Variants in TRIM2 observed in about 807,000 individuals in gnomAD.
TRIM2 encodes the protein tripartite motif-containing protein 2.
Under a neutral mutation model 75.2 loss-of-function variants are expected in TRIM2, and 20 were observed. The observed-to-expected ratio is 0.27, with a 90% CI of 0.19 to 0.39. TRIM2 has a LOEUF of 0.39. TRIM2 is among the 10% of genes least tolerant of loss of function. The pLI, the probability that TRIM2 is intolerant of heterozygous loss-of-function variation, is 1.00. For missense variants in TRIM2, 660 were observed against 990.8 expected (o/e 0.67, Z 4.48); for synonymous variants, 373 against 388.3 (o/e 0.96, Z 0.46).
intron 1 of TRIM2, among the ~76,000 whole-genome samples, chr4:153,192,549 G>A (rs1362136318): frequency 1.3e-5 from 2 of 150,642 alleles, no homozygotes; most frequent in Non-Finnish European, 2.9e-5. Flanking sequence ...CAAGTTTACG[G>A]TGAGCCATGA....
intron 8 of TRIM2, among the ~76,000 whole-genome samples, chr4:153,318,665 T>C (rs1415463663): frequency 6.6e-6 from 1 of 152,206 alleles, no homozygotes; most frequent in East Asian, 1.9e-4. Context: ...TTGTTTATGT[T>C]TTATACTCTA....
intron 6 of TRIM2, among the ~76,000 whole-genome samples, chr4:153,314,850 TTTC>T (rs1352715431): frequency 1.3e-5 from 2 of 152,214 alleles, no homozygotes; most frequent in Non-Finnish European, 2.9e-5. Flanking sequence ...AGCGTCCACA[TTTC>T]TTCCAAGAGC....
intron 2 of TRIM2, among the ~76,000 whole-genome samples, chr4:153,275,069 C>T (rs765034712): frequency 6.6e-6 from 1 of 152,180 alleles, no homozygotes; most frequent in Non-Finnish European, 1.5e-5. Flanking sequence ...TGGTGCCAAA[C>T]TGCCTGTGTT....
At chr4:153,309,509 A>G (rs1251235968) in intron 6 of TRIM2, 2 of 152,198 alleles carry the variant, frequency 1.3e-5, no homozygotes, top group East Asian at 1.9e-4. Context: ...GCACTTTTTC[A>G]TCCAGCAAAC....
chr4:153,315,069 G>A (rs1312763231), intron 6 of TRIM2, among the ~76,000 whole-genome samples: 1 of 152,214 alleles, frequency 6.6e-6, no homozygotes, highest in African/African-American at 2.4e-5. Flanking sequence ...CAGAGGCAGA[G>A]TGACCAGGGC....
intron 1 of TRIM2, among the ~76,000 whole-genome samples, chr4:153,218,773 G>A (rs908349863): frequency 5.3e-5 from 8 of 152,164 alleles, no homozygotes; most frequent in Non-Finnish European, 1.2e-4. Flanking sequence ...TAGTAAGGGA[G>A]TTACTGAAGA....
chr4:153,239,212 C>T (rs1745823130), intron 1 of TRIM2, among the ~76,000 whole-genome samples: 2 of 152,194 alleles, frequency 1.3e-5, no homozygotes, highest in Admixed American at 6.5e-5. Context: ...ATTAGCCAGG[C>T]GTCGTGGCGG....
intron 1 of TRIM2, chr4:153,157,322 G>C (rs901546231): frequency 1.3e-5 from 2 of 152,208 alleles, no homozygotes; most frequent in African/African-American, 4.8e-5. Context: ...TGGCCATGCT[G>C]TCTCCAGTCC....
At chr4:153,244,267 C>T (rs1459789746) in intron 1 of TRIM2, among the ~76,000 whole-genome samples, 12 of 6,370 alleles carry the variant, frequency 1.9e-3, no homozygotes, top group African/African-American at 8.2e-3. Context: ...TCCTCCTCCT[C>T]CTCCTCCTCC....
intron 5 of TRIM2, 104 bp downstream of exon 5, chr4:153,294,589 G>T: frequency 8.1e-7 from 1 of 1,228,372 alleles, no homozygotes; most frequent in Non-Finnish European, 1.1e-6. Context: ...TGTCATCATT[G>T]TATAGTAAAC....
At chr4:153,304,436 A>C (rs10026277) in intron 6 of TRIM2, among the ~76,000 whole-genome samples, 33,759 of 151,952 alleles carry the variant, frequency 0.22, 4,352 homozygotes, top group African/African-American at 0.35. Context: ...ATTTAAATTT[A>C]AGCTGGGTTT....
rs1396060845 is a variant in TRIM2, at chr4:153,338,372, G to C, written c.*3406G>C. 1.0e-6 allele frequency: 1 copy of C among 985,636 alleles called. No individual in the cohort carries two copies. The highest frequency in any genetic ancestry group is 1.7e-5 in the African/African-American group (1 of 57,228). 61.1% of individuals were successfully genotyped at this position (985,636 alleles called of 1,614,324 possible). On this transcript the variant is annotated 3_prime_UTR_variant, in exon 12 of 12. Coordinates refer to ENST00000338700, the MANE Select transcript of TRIM2 (RefSeq NM_015271.5). ...CTCTATTCACTAGCTTCTGAAAAGG[G>C]AGGAGTATTTTTAGTTTGACAATTT...
At chr4:153,244,437 T>TCTTCTTCTTCTTC (rs1206105496) in intron 1 of TRIM2, among the ~76,000 whole-genome samples, 78 of 102,554 alleles carry the variant, frequency 7.6e-4, no homozygotes, top group South Asian at 2.0e-3. Context: ...TTCTTCTTCT[T>TCTTCTTCTTCTTC]TTAATTAGAG....
intron 1 of TRIM2, among the ~76,000 whole-genome samples, chr4:153,225,215 G>C (rs1019885896): frequency 6.6e-6 from 1 of 152,114 alleles, no homozygotes; most frequent in Non-Finnish European, 1.5e-5. Context: ...ACACTGCTTG[G>C]TTTATATCAA....
At chr4:153,175,767 A>T (rs887780536) in intron 1 of TRIM2, among the ~76,000 whole-genome samples, 3 of 152,214 alleles carry the variant, frequency 2.0e-5, no homozygotes, top group Non-Finnish European at 4.4e-5. Flanking sequence ...CATTATTGGG[A>T]TAATTGGTGA....
chr4:153,300,597 A>G (rs549937460), intron 6 of TRIM2, among the ~76,000 whole-genome samples: 1 of 152,106 alleles, frequency 6.6e-6, no homozygotes, highest in African/African-American at 2.4e-5. Context: ...GCTGGTGTGC[A>G]GTGGCGTGAT....
At chr4:153,239,867 C>T (rs28446611) in intron 1 of TRIM2, among the ~76,000 whole-genome samples, 2,289 of 138,444 alleles carry the variant, frequency 0.017, 60 homozygotes, top group African/African-American at 0.059. Context: ...GATGGAGTCT[C>T]GCTCTGTCAC....
At chr4:153,256,360 G>A (rs1262149304) in intron 1 of TRIM2, among the ~76,000 whole-genome samples, 1 of 152,210 alleles carries the variant, frequency 6.6e-6, no homozygotes, top group African/African-American at 2.4e-5. Context: ...ATGCTTGACT[G>A]CGTGGAAAGA....
intron 1 of TRIM2, among the ~76,000 whole-genome samples, chr4:153,207,790 G>T (rs1386559984): frequency 6.6e-6 from 1 of 152,160 alleles, no homozygotes; most frequent in Admixed American, 6.5e-5. Context: ...AGTCCCTCAG[G>T]GTCACGGTTT....
Sources: allele counts gnomAD v4.1 joint callset (sites outside exome capture counted in the v4.1 genomes callset), GRCh38; gene constraint gnomAD v4.1.1; transcripts MANE v1.5; gene names NCBI Gene and HGNC (gene_info 2026-07-23, HGNC 2026-07-21).